CADM2: variants seen among roughly 807,000 people sequenced by gnomAD.
The protein encoded by CADM2 is cell adhesion molecule 2.
A neutral mutation model predicts 49.8 loss-of-function variants in CADM2; 12 were observed. That is an observed-to-expected ratio of 0.24 (90% CI 0.15 to 0.39). The LOEUF is 0.39. Among genes scored for constraint, CADM2 ranks in the 10% least tolerant of loss-of-function variants. The pLI, the probability that CADM2 is intolerant of heterozygous loss-of-function variation, is 1.00. For synonymous variants in CADM2, 214 were observed against 175.4 expected (o/e 1.22, Z -1.74); for missense variants, 378 against 492.3 (o/e 0.77, Z 2.20).
At chr3:85,876,008 A>G (rs990464869) in intron 3 of CADM2, among the ~76,000 whole-genome samples, 1 of 152,150 alleles carries the variant, frequency 6.6e-6, no homozygotes, top group Non-Finnish European at 1.5e-5. Flanking sequence ...AAGCACATGC[A>G]CTGAGGCTAA....
chr3:85,412,123 C>A (rs1576505560), intron 1 of CADM2, among the ~76,000 whole-genome samples: 1 of 152,070 alleles, frequency 6.6e-6, no homozygotes, highest in East Asian at 1.9e-4. Flanking sequence ...AGCCAACATG[C>A]CGGGCCCACA....
chr3:85,824,092 A>G (rs188160623), intron 3 of CADM2, among the ~76,000 whole-genome samples: 4 of 152,286 alleles, frequency 2.6e-5, no homozygotes, highest in Admixed American at 2.6e-4. Flanking sequence ...TTTTCACCCA[A>G]TCAAAACGTA....
At chr3:85,159,879 T>A (rs2040260036) in intron 1 of CADM2, among the ~76,000 whole-genome samples, 1 of 152,214 alleles carries the variant, frequency 6.6e-6, no homozygotes, top group South Asian at 2.1e-4. Context: ...GGAATAACTG[T>A]ATCAAAAGTT....
chr3:85,617,328 A>G (rs1331877647), intron 1 of CADM2, among the ~76,000 whole-genome samples: 1 of 152,128 alleles, frequency 6.6e-6, no homozygotes, highest in East Asian at 1.9e-4. Context: ...ACAGTTACTT[A>G]TGATTACCAG....
In CADM2 at chr3:85,978,484, A is replaced by G. The variant is rs576767373; in HGVS notation, c.970+16837A>G. On this transcript the variant is annotated intron_variant, in intron 8 of 9. Transcript: ENST00000383699. ...AGAATATCGGGTGCCATGCTAGTTG[A>G]CTCAATACTTGTTAAAGACTCCTAG... Among the ~76,000 whole-genome samples the G allele has an allele frequency of 5.3e-5, 8 of 151,582 alleles. No homozygotes were observed. The South Asian group carries it at 1.7e-3, about 31-fold the overall frequency.
chr3:85,456,244 G>T (rs2037982839), intron 1 of CADM2, among the ~76,000 whole-genome samples: 1 of 152,152 alleles, frequency 6.6e-6, no homozygotes, highest in Admixed American at 6.5e-5. Context: ...AAGCCAAGTT[G>T]AGACAATTGA....
chr3:85,001,431 G>A (rs984144875), intron 1 of CADM2, among the ~76,000 whole-genome samples: 2 of 151,838 alleles, frequency 1.3e-5, no homozygotes, highest in African/African-American at 4.8e-5. Context: ...ATAAATGTGT[G>A]TATATACTAT....
At chr3:85,634,846 G>A (rs926624834) in intron 1 of CADM2, among the ~76,000 whole-genome samples, 1 of 151,648 alleles carries the variant, frequency 6.6e-6, no homozygotes, top group Non-Finnish European at 1.5e-5. Flanking sequence ...AAATTCCATA[G>A]CTACTTTGTA....
intron 1 of CADM2, among the ~76,000 whole-genome samples, chr3:85,721,339 G>A (rs550187966): frequency 4.7e-4 from 71 of 152,242 alleles, no homozygotes; most frequent in Non-Finnish European, 7.2e-4. Flanking sequence ...TGGGATCTTT[G>A]GGGTGTCGTT....
At chr3:85,207,749 G>A (rs1213352039) in intron 1 of CADM2, among the ~76,000 whole-genome samples, 1 of 152,058 alleles carries the variant, frequency 6.6e-6, no homozygotes, top group Non-Finnish European at 1.5e-5. Context: ...AAACCAACTG[G>A]CATACTTTTA....
chr3:85,049,959 CT>C (rs1468470417), intron 1 of CADM2, among the ~76,000 whole-genome samples: 1 of 152,116 alleles, frequency 6.6e-6, no homozygotes, highest in Non-Finnish European at 1.5e-5. Flanking sequence ...CTGGCCATAT[CT>C]TGGGCTGGAC....
chr3:85,110,674 G>T (rs183230164), intron 1 of CADM2, among the ~76,000 whole-genome samples: 199 of 151,878 alleles, frequency 1.3e-3, no homozygotes, highest in Admixed American at 2.5e-3. Flanking sequence ...TTGTTAAGCT[G>T]GCAAATACAC....
In CADM2 at chr3:85,272,446, T is replaced by C. The variant is rs1378111809; in HGVS notation, c.61+312778T>C. ...AGAAAAAAAGATAAAATCAGGTTAT[T>C]GTTAAGAGAAAAGGCACCTGTTTAT... is the stretch of plus-strand genomic sequence containing the variant. On this transcript the variant is annotated intron_variant, in intron 1 of 9. Coordinates refer to ENST00000383699, the MANE Select transcript of CADM2 (RefSeq NM_001167675.2). Among the ~76,000 whole-genome samples the C allele has an allele frequency of 2.0e-5, 3 of 151,310 alleles. No individual in the cohort carries two copies. The Admixed American group carries it at 2.0e-4, about 10-fold the overall frequency.
chr3:85,970,224 TAAAG>T (rs1725952766), intron 8 of CADM2, among the ~76,000 whole-genome samples: 1 of 151,442 alleles, frequency 6.6e-6, no homozygotes, highest in Admixed American at 6.6e-5. Context: ...TTTTTGCAAT[TAAAG>T]AGTTATGCAA....
At chr3:85,442,764 A>T (rs2037273163) in intron 1 of CADM2, among the ~76,000 whole-genome samples, 1 of 151,258 alleles carries the variant, frequency 6.6e-6, no homozygotes, top group African/African-American at 2.4e-5. Context: ...CAATATTTTC[A>T]AAAACCTAAG....
intron 8 of CADM2, among the ~76,000 whole-genome samples, chr3:86,060,348 C>T (rs190589100): frequency 6.6e-6 from 1 of 152,144 alleles, no homozygotes; most frequent in East Asian, 1.9e-4. Flanking sequence ...TGATCTATAT[C>T]CTAAGACACT....
At chr3:85,713,460 T>C (rs967779220) in intron 1 of CADM2, among the ~76,000 whole-genome samples, 4 of 152,130 alleles carry the variant, frequency 2.6e-5, no homozygotes, top group Non-Finnish European at 5.9e-5. Context: ...TAAACCATAG[T>C]TTATATCCTA....
chr3:85,286,074 A>C (rs2043625502), intron 1 of CADM2, among the ~76,000 whole-genome samples: 1 of 152,132 alleles, frequency 6.6e-6, no homozygotes, highest in African/African-American at 2.4e-5. Flanking sequence ...TCTTAGTCTC[A>C]AATACACTGA....
chr3:85,671,899 A>C (rs1015448527), intron 1 of CADM2, among the ~76,000 whole-genome samples: 2 of 152,144 alleles, frequency 1.3e-5, no homozygotes, highest in Non-Finnish European at 2.9e-5. Flanking sequence ...TAAGACATAA[A>C]ATTATCTCAT....
Sources: allele counts gnomAD v4.1 joint callset (sites outside exome capture counted in the v4.1 genomes callset), GRCh38; gene constraint gnomAD v4.1.1; transcripts MANE v1.5; gene names NCBI Gene and HGNC (gene_info 2026-07-23, HGNC 2026-07-21).